The following KDM5B variants were observed in gnomAD, a reference collection of about 807,000 sequenced individuals.
KDM5B encodes lysine-specific demethylase 5B.
A neutral mutation model predicts 193.4 loss-of-function variants in KDM5B; 144 were observed. That is an observed-to-expected ratio of 0.74 (90% CI 0.65 to 0.86). KDM5B has a LOEUF of 0.86. Among genes scored for constraint, KDM5B ranks in the 40% least tolerant of loss-of-function variants. The pLI is 0.00. For missense variants in KDM5B, 1,833 were observed against 1,886.9 expected, an observed-to-expected ratio of 0.97 and a Z score of 0.53; for synonymous variants, 668 against 682.6, an observed-to-expected ratio of 0.98 and a Z score of 0.33.
intron 1 of KDM5B, among the ~76,000 whole-genome samples, chr1:202,799,004 A>G (rs1167276204): frequency 6.6e-6 from 1 of 152,096 alleles, no homozygotes; most frequent in African/African-American, 2.4e-5. Flanking sequence ...TGGGCAACAG[A>G]GCAAGACTCT....
At chr1:202,787,518 A>G (rs955869657) in intron 1 of KDM5B, among the ~76,000 whole-genome samples, 1 of 152,102 alleles carries the variant, frequency 6.6e-6, no homozygotes, top group Non-Finnish European at 1.5e-5. Context: ...AAATCTCTTT[A>G]ATGTCTGGTT....
intron 1 of KDM5B, among the ~76,000 whole-genome samples, chr1:202,801,285 G>A (rs1658062993): frequency 6.6e-6 from 1 of 151,908 alleles, no homozygotes; most frequent in Non-Finnish European, 1.5e-5. Flanking sequence ...AAAAGCAGCA[G>A]CAGCACATAT....
chr1:202,801,323 A>G (rs2102347917), intron 1 of KDM5B, among the ~76,000 whole-genome samples: 1 of 152,214 alleles, frequency 6.6e-6, no homozygotes, highest in African/African-American at 2.4e-5. Context: ...ATGTGTAAAG[A>G]TATATGCTGA....
At chr1:202,792,174 A>C (rs1031189393) in intron 1 of KDM5B, among the ~76,000 whole-genome samples, 2 of 151,856 alleles carry the variant, frequency 1.3e-5, no homozygotes, top group African/African-American at 4.8e-5. Flanking sequence ...CAGGTAAGAT[A>C]ATTCCTTATT....
chr1:202,746,016 C>T (rs752277505), intron 15 of KDM5B, 34 bp from the exon 16 acceptor site: 11 of 1,612,198 alleles, frequency 6.8e-6, no homozygotes, highest in Non-Finnish European at 8.5e-6. Context: ...AGCTTTGAGA[C>T]GTGTAGCTTT....
chr1:202,776,250 T>C (rs1371203444), intron 2 of KDM5B: 3 of 151,924 alleles, frequency 2.0e-5, no homozygotes, highest in African/African-American at 7.3e-5. Context: ...AAAATTTTAA[T>C]TGACTTTTTT....
chr1:202,768,264 C>G (rs1213276140), intron 4 of KDM5B, among the ~76,000 whole-genome samples: 1 of 152,126 alleles, frequency 6.6e-6, no homozygotes. Context: ...GCCACCGAAG[C>G]TAATATGAAT....
At chr1:202,780,310 C>T (rs1657147757) in intron 1 of KDM5B, among the ~76,000 whole-genome samples, 1 of 152,120 alleles carries the variant, frequency 6.6e-6, no homozygotes, top group South Asian at 2.1e-4. Context: ...CCTCAGTCTC[C>T]CAAGTAGCTG....
intron 20 of KDM5B, among the ~76,000 whole-genome samples, chr1:202,739,847 A>C (rs1655238135): frequency 6.6e-6 from 1 of 152,236 alleles, no homozygotes; most frequent in South Asian, 2.1e-4. Context: ...GGTACAGAAC[A>C]AAATGAAAAG....
Position 202,756,530 on chromosome 1 carries a change from G to T in KDM5B, c.1198-14C>A. The stretch of plus-strand genomic sequence containing the variant: ...TGTGGGGACCATCTGGAAATACAAG[G>T]AATAGAAAAAATGAGTTTCCTCACA... On this transcript the variant is annotated splice_polypyrimidine_tract_variant and intron_variant, in intron 9 of 26. Transcript: ENST00000367265. 6.4e-7 allele frequency: 1 copy of T among 1,555,258 alleles called. No individual in the cohort carries two copies. Among genetic ancestry groups the T allele is most frequent in the East Asian group, 2.3e-5 (1 of 43,734 alleles).
In KDM5B at chr1:202,742,788, C is replaced by G; in HGVS notation, c.2341G>C (p.Ala781Pro). The change falls in exon 17 of 27, where the codon GCT becomes CCT. Residue 781 changes from alanine to proline, a missense_variant. By Grantham distance (27) the Ala-to-Pro change is conservative. Coordinates refer to ENST00000367265, the MANE Select transcript of KDM5B (RefSeq NM_006618.5). ...TTCATTTCAGATTCTTCAATTAAAGCCTTGAAGCTGACAAGGCCTAGGAAT... is the reference window on the plus strand; with the variant it reads ...TTCATTTCAGATTCTTCAATTAAAGGCTTGAAGCTGACAAGGCCTAGGAAT... ...NKKKSLVSFKALIEESEMKKF... is the reference protein window; with the variant it reads ...NKKKSLVSFKPLIEESEMKKF... The G allele has an allele frequency of 2.5e-6, 4 of 1,613,960 alleles. No individual in the cohort carries two copies. The highest frequency in any genetic ancestry group is 1.3e-5 in the African/African-American group (1 of 75,032).
intron 11 of KDM5B, among the ~76,000 whole-genome samples, chr1:202,754,954 G>A (rs2102261205): frequency 6.6e-6 from 1 of 152,270 alleles, no homozygotes; most frequent in East Asian, 1.9e-4. Context: ...CAAACTGCTG[G>A]GATTACAGGC....
At chr1:202,788,317 T>C (rs1437909805) in intron 1 of KDM5B, among the ~76,000 whole-genome samples, 17 of 152,242 alleles carry the variant, frequency 1.1e-4, no homozygotes, top group Admixed American at 1.1e-3. Context: ...ACTTGTATTA[T>C]AACTTTTACA....
rs536254371 is a variant in KDM5B, at chr1:202,758,157, T to C, written c.1197+234A>G. ...TTCTTTATTAGTGTTCTATTACTGGTGCTGTATAATCTGTGTGGAAGAGGT... is the reference window on the plus strand; with the variant it reads ...TTCTTTATTAGTGTTCTATTACTGGCGCTGTATAATCTGTGTGGAAGAGGT... On this transcript the variant is annotated intron_variant, in intron 9 of 26. Transcript: ENST00000367265. Among the ~76,000 whole-genome samples, 6 of 152,302 alleles carry C rather than the reference T, an allele frequency of 3.9e-5. No homozygotes were observed. The South Asian group carries it at 1.0e-3, about 26-fold the overall frequency.
At chr1:202,748,458 C>A (rs932838281) in intron 14 of KDM5B, among the ~76,000 whole-genome samples, 2 of 150,072 alleles carry the variant, frequency 1.3e-5, no homozygotes, top group African/African-American at 4.9e-5. Flanking sequence ...GTAGGAAAAT[C>A]AAAGACAAGC....
chr1:202,756,479 C>G lies in KDM5B; in HGVS notation c.1235G>C (p.Arg412Thr). Residue 412 changes from arginine (R) to threonine (T), a missense_variant, in exon 10 of 27, where the codon AGA becomes ACA. This residue lies in a region of KDM5B where 99 missense variants were observed against 162.4 expected (regional missense o/e 0.61). Coordinates refer to ENST00000367265, the MANE Select transcript of KDM5B (RefSeq NM_006618.5). Reference sequence around the variant, plus strand: ...ATCCTCCTCAATAGTGCTTACTAGTCTCCAAAATTCTTTCTCAACAAGCTC... The same window carrying G: ...ATCCTCCTCAATAGTGCTTACTAGTGTCCAAAATTCTTTCTCAACAAGCTC... ...PTELVEKEFW[R>T]LVSTIEEDVT... 1 of 1,608,578 alleles carries G rather than the reference C, an allele frequency of 6.2e-7. No homozygotes were observed. Among genetic ancestry groups the G allele is most frequent in the Non-Finnish European group, 8.5e-7 (1 of 1,177,616 alleles).
intron 1 of KDM5B, among the ~76,000 whole-genome samples, chr1:202,779,428 G>A (rs921678406): frequency 6.6e-6 from 1 of 151,088 alleles, no homozygotes; most frequent in African/African-American, 2.4e-5. Flanking sequence ...GCAGTGAGCT[G>A]AGATCCCGCC....
intron 8 of KDM5B, among the ~76,000 whole-genome samples, chr1:202,759,994 C>G (rs1020304002): frequency 1.3e-5 from 2 of 152,192 alleles, no homozygotes; most frequent in African/African-American, 4.8e-5. Context: ...TCATGGGCCT[C>G]ATTACTGTCG....
intron 1 of KDM5B, among the ~76,000 whole-genome samples, chr1:202,804,741 G>A (rs1349344141): frequency 6.6e-6 from 1 of 151,986 alleles, no homozygotes; most frequent in African/African-American, 2.4e-5. Flanking sequence ...CCGGCACGGT[G>A]GCTCACGCCT....
Sources: gnomAD v4.1 joint callset for allele counts (sites outside exome capture counted in the v4.1 genomes callset) on GRCh38, gnomAD v4.1.1 for gene constraint, gnomAD v4.1.1 regional missense constraint, MANE v1.5 for transcripts, NCBI Gene and HGNC (gene_info 2026-07-23, HGNC 2026-07-21) for gene names.